The following ELAVL2 variants were observed in gnomAD, a reference collection of about 807,000 sequenced individuals.
ELAVL2 encodes the protein ELAV like RNA binding protein 2, also known as ELAV-like protein 2.
In ELAVL2, 4 loss-of-function variants were observed where a neutral mutation model predicts 34.6. The observed-to-expected ratio is 0.12, with a 90% CI of 0.06 to 0.26. The LOEUF (loss-of-function observed/expected upper bound fraction) is 0.26, where lower values mean the gene tolerates loss of function less well. Among genes scored for constraint, ELAVL2 ranks in the 10% least tolerant of loss-of-function variants. The pLI is 1.00. For synonymous variants in ELAVL2, 193 were observed against 154.8 expected, an observed-to-expected ratio of 1.25 and a Z score of -1.83; for missense variants, 432 against 442.8, an observed-to-expected ratio of 0.98 and a Z score of 0.22.
chr9:23,732,664 G>T (rs2046866347), intron 2 of ELAVL2, among the ~76,000 whole-genome samples: 1 of 152,138 alleles, frequency 6.6e-6, no homozygotes, highest in Non-Finnish European at 1.5e-5. Context: ...TTGGCTGAAT[G>T]TAACAAAATC....
chr9:23,719,094 A>C (rs1193128008), intron 3 of ELAVL2, among the ~76,000 whole-genome samples: 1 of 152,226 alleles, frequency 6.6e-6, no homozygotes, highest in African/African-American at 2.4e-5. Flanking sequence ...AAAGAGGGGC[A>C]GCGAGGAGGG....
Position 23,705,046 on chromosome 9 carries a change from G to A in ELAVL2, c.359C>T (p.Ala120Val). Residue 120 changes from alanine to valine, a missense_variant, in exon 4 of 7, where the codon GCT becomes GTT. By Grantham distance (64) the Ala-to-Val change is moderately conservative (BLOSUM62 0). This residue lies in a region of ELAVL2 where 295 missense variants were observed against 306.1 expected (regional missense o/e 0.96). Coordinates refer to ENST00000397312, the MANE Select transcript of ELAVL2 (RefSeq NM_004432.5). Reference sequence around the variant, plus strand: ...ATATAAATTTGCATCTCTGATAGAAGCTGAACTTGGGCGAGCATAGGAAAC... The same window carrying A: ...ATATAAATTTGCATCTCTGATAGAAACTGAACTTGGGCGAGCATAGGAAAC... ...IKVSYARPSS[A>V]SIRDANLYVS... 6.2e-7 allele frequency: 1 copy of A among 1,614,138 alleles called. No homozygotes were observed. Among genetic ancestry groups the A allele is most frequent in the Non-Finnish European group, 8.5e-7 (1 of 1,180,000 alleles).
intron 1 of ELAVL2, among the ~76,000 whole-genome samples, chr9:23,769,314 T>C (rs966528170): frequency 1.3e-5 from 2 of 152,166 alleles, no homozygotes; most frequent in African/African-American, 4.8e-5. Flanking sequence ...ATAAGTCATA[T>C]GAGCTTATAG....
chr9:23,733,749 T>C (rs1291502052), intron 2 of ELAVL2, among the ~76,000 whole-genome samples: 1 of 152,184 alleles, frequency 6.6e-6, no homozygotes, highest in East Asian at 1.9e-4. Flanking sequence ...ACTCCTGGCC[T>C]GCTGTAGGCA....
At position 23,708,521 on chromosome 9, in the gene ELAVL2, T is replaced by TCA. The variant is rs543262813; in HGVS notation, c.334-3452_334-3451dup. Among the ~76,000 whole-genome samples the TCA allele has an allele frequency of 4.6e-5, 7 of 152,346 alleles. No homozygotes were observed. In the South Asian group the frequency reaches 1.4e-3, roughly 32 times the overall value. Reference sequence around the variant, plus strand: ...AATAATACTATGGTAAGTGAGTGTTTCAGTTCACTTGTTCTGAGTTGGGAA... The same window carrying TCA: ...AATAATACTATGGTAAGTGAGTGTTTCACAGTTCACTTGTTCTGAGTTGGGAA... On this transcript the variant is annotated intron_variant, in intron 3 of 6. Coordinates refer to ENST00000397312, the MANE Select transcript of ELAVL2 (RefSeq NM_004432.5).
At chr9:23,800,498 C>T (rs1052144073) in intron 1 of ELAVL2, among the ~76,000 whole-genome samples, 2 of 152,106 alleles carry the variant, frequency 1.3e-5, no homozygotes, top group African/African-American at 2.4e-5. Context: ...CAGCCTAGCC[C>T]CCTTCCCTCT....
At chr9:23,718,066 G>A (rs1036665710) in intron 3 of ELAVL2, among the ~76,000 whole-genome samples, 15 of 152,122 alleles carry the variant, frequency 9.9e-5, no homozygotes, top group Admixed American at 3.9e-4. Context: ...TTGGAGACAG[G>A]CCTATTAGTC....
chr9:23,749,045 T>C (rs1411808949), intron 2 of ELAVL2, among the ~76,000 whole-genome samples: 4 of 152,104 alleles, frequency 2.6e-5, no homozygotes, highest in Admixed American at 1.3e-4. Context: ...GACAAGGTAC[T>C]GGAAATGGAT....
At chr9:23,783,482 G>C (rs1016511925) in intron 1 of ELAVL2, 1 of 985,300 alleles carries the variant, frequency 1.0e-6, no homozygotes, top group African/African-American at 1.7e-5. Flanking sequence ...TGAAAACAAC[G>C]AGGTTCATTA....
chr9:23,785,185 G>A (rs1334872615), intron 1 of ELAVL2, among the ~76,000 whole-genome samples: 1 of 152,174 alleles, frequency 6.6e-6, no homozygotes, highest in Non-Finnish European at 1.5e-5. Flanking sequence ...AGGAACAACT[G>A]TCACAATGAG....
At chr9:23,723,200 AGAAAAT>A (rs1377511218) in intron 3 of ELAVL2, among the ~76,000 whole-genome samples, 1 of 152,200 alleles carries the variant, frequency 6.6e-6, no homozygotes, top group Non-Finnish European at 1.5e-5. Context: ...GACTGGATTA[AGAAAAT>A]GTGGCACATA....
At chr9:23,709,212 T>C (rs1587483486) in intron 3 of ELAVL2, among the ~76,000 whole-genome samples, 1 of 152,150 alleles carries the variant, frequency 6.6e-6, no homozygotes, top group Admixed American at 6.6e-5. Flanking sequence ...TTCCTTTCCC[T>C]TCCACTATCA....
chr9:23,781,065 T>C (rs1015660586), intron 1 of ELAVL2, among the ~76,000 whole-genome samples: 2 of 152,224 alleles, frequency 1.3e-5, no homozygotes, highest in African/African-American at 4.8e-5. Context: ...ACAAGTTTGT[T>C]ATGTTCATAA....
At chr9:23,748,654 C>A (rs1302652549) in intron 2 of ELAVL2, among the ~76,000 whole-genome samples, 1 of 152,080 alleles carries the variant, frequency 6.6e-6, no homozygotes, top group Non-Finnish European at 1.5e-5. Context: ...AGCAATCTGG[C>A]AAAATATTGC....
At chr9:23,772,896 T>G (rs1354724556) in intron 1 of ELAVL2, among the ~76,000 whole-genome samples, 2 of 152,292 alleles carry the variant, frequency 1.3e-5, no homozygotes, top group East Asian at 3.9e-4. Context: ...AAAACAAGAT[T>G]CACACCCTAA....
intron 3 of ELAVL2, among the ~76,000 whole-genome samples, chr9:23,709,245 C>T (rs894715117): frequency 6.6e-6 from 1 of 152,108 alleles, no homozygotes; most frequent in Non-Finnish European, 1.5e-5. Flanking sequence ...TCATCAAAAT[C>T]CTCCCTTCCT....
chr9:23,790,739 C>T (rs562800045), intron 1 of ELAVL2, among the ~76,000 whole-genome samples: 9 of 152,310 alleles, frequency 5.9e-5, no homozygotes, highest in South Asian at 2.1e-4. Flanking sequence ...TTATATATTA[C>T]GGTTCCCCTG....
chr9:23,697,664 C>T (rs796561091), intron 5 of ELAVL2, among the ~76,000 whole-genome samples: 1 of 152,018 alleles, frequency 6.6e-6, no homozygotes, highest in Non-Finnish European at 1.5e-5. Flanking sequence ...TGTATCAGAT[C>T]ATTCCTATTT....
chr9:23,759,631 T>C (rs534837139), intron 2 of ELAVL2, among the ~76,000 whole-genome samples: 4 of 151,094 alleles, frequency 2.6e-5, no homozygotes, highest in Non-Finnish European at 5.9e-5. Flanking sequence ...ACACAATGTA[T>C]ATAGCATCAA....
Sources: allele counts gnomAD v4.1 joint callset (sites outside exome capture counted in the v4.1 genomes callset), GRCh38; gene constraint gnomAD v4.1.1; regional missense constraint gnomAD v4.1.1; transcripts MANE v1.5; gene names NCBI Gene and HGNC (gene_info 2026-07-23, HGNC 2026-07-21).